Variants in UBE3A observed in about 807,000 individuals in gnomAD.
UBE3A encodes ubiquitin-protein ligase E3A.
A neutral mutation model predicts 83.4 loss-of-function variants in UBE3A; 6 were observed. The ratio of observed to expected loss-of-function variants is 0.07; its 90% CI spans 0.04 to 0.14. The LOEUF (loss-of-function observed/expected upper bound fraction) is 0.14. Ranked by LOEUF, UBE3A falls within the 10% of genes least tolerant of loss-of-function variation. The probability of loss-of-function intolerance (pLI) is 1.00; values close to 1 mark genes in which losing one functional copy is unlikely to be tolerated. For synonymous variants in UBE3A, 337 were observed against 355.4 expected (o/e 0.95, Z 0.58); for missense variants, 456 against 1,036.1 (o/e 0.44, Z 7.69).
chr15:25,404,554 T>A (rs890693860), intron 4 of UBE3A, among the ~76,000 whole-genome samples: 29 of 152,140 alleles, frequency 1.9e-4, no homozygotes, highest in Admixed American at 1.8e-3. Context: ...TCCAGAAAAA[T>A]TTATTTTGAA....
intron 12 of UBE3A, chr15:25,339,501 C>T (rs758072116): frequency 2.8e-6 from 1 of 362,386 alleles, no homozygotes; most frequent in Non-Finnish European, 5.0e-6. Context: ...ATAACAGATA[C>T]CATTTTAGGT....
At chr15:25,399,630 G>A (rs2086594736) in intron 4 of UBE3A, among the ~76,000 whole-genome samples, 1 of 151,992 alleles carries the variant, frequency 6.6e-6, no homozygotes, top group African/African-American at 2.4e-5. Context: ...GTGCAGTGAT[G>A]CAATCACAGT....
chr15:25,373,122 C>T (rs2080579090), intron 5 of UBE3A, among the ~76,000 whole-genome samples: 1 of 152,186 alleles, frequency 6.6e-6, no homozygotes, highest in Non-Finnish European at 1.5e-5. Flanking sequence ...TTTTGCTAAA[C>T]ATCAGTAACC....
chr15:25,356,938 T>C (rs761985921), intron 7 of UBE3A, 42 bp from the exon 8 acceptor site: 9 of 1,486,896 alleles, frequency 6.1e-6, no homozygotes, highest in Middle Eastern at 1.9e-4. Context: ...TTTTGTATTT[T>C]ATTAAGGACT....
At chr15:25,369,616 A>G (rs1009457783) in intron 6 of UBE3A, among the ~76,000 whole-genome samples, 3 of 152,118 alleles carry the variant, frequency 2.0e-5, no homozygotes, top group Non-Finnish European at 4.4e-5. Context: ...TTGACATTAA[A>G]TTTTACTTGA....
At position 25,371,213 on chromosome 15, in the gene UBE3A, G is replaced by A. The variant is rs1385870007; in HGVS notation, c.961C>T (p.Leu321=). The A allele has an allele frequency of 5.6e-6, 9 of 1,614,032 alleles. No individual in the cohort carries two copies. Among genetic ancestry groups the A allele is most frequent in the East Asian group, 2.2e-5 (1 of 44,894 alleles). Residue 321 remains leucine, a synonymous_variant, in exon 6 of 13, where the codon CTG becomes TTG. Transcript: ENST00000648336. This position sits in a 1 kb window ranked among gnomAD's most constrained non-coding sequence, Gnocchi z 5.3. ...SKLPLAAQGK[L]IRLWSKYNAD... ...TTGTATTTAGACCACAGTCTGATCA[G>A]TTTTCCTTGGGCTGCAAGGGGTAGC...
intron 4 of UBE3A, among the ~76,000 whole-genome samples, chr15:25,385,950 G>A (rs969163886): frequency 1.3e-5 from 2 of 152,120 alleles, no homozygotes; most frequent in Non-Finnish European, 2.9e-5. Flanking sequence ...ACCCTCAGCA[G>A]GGGAGGCAAA....
chr15:25,409,881 T>C lies in UBE3A; in HGVS notation c.-100-674A>G, dbSNP rs569330623. Among the ~76,000 whole-genome samples, 39 of 152,060 alleles carry C rather than the reference T, an allele frequency of 2.6e-4. 1 individual carries two copies. The highest frequency in any genetic ancestry group is 8.9e-4 in the African/African-American group (37 of 41,456). On this transcript the variant is annotated intron_variant, in intron 2 of 12. Transcript: ENST00000648336. ...AAAGTCTAGTCCCACTAATTCTGTA[T>C]GTACGTAAAGTCATTTAACATCAGT...
chr15:25,421,292 C>A (rs1329442212), intron 1 of UBE3A, among the ~76,000 whole-genome samples: 1 of 152,230 alleles, frequency 6.6e-6, no homozygotes, highest in Non-Finnish European at 1.5e-5. Flanking sequence ...ACCATGAGGG[C>A]TCCCCAGAAG....
At chr15:25,387,453 C>T (rs1265726238) in intron 4 of UBE3A, among the ~76,000 whole-genome samples, 3 of 151,786 alleles carry the variant, frequency 2.0e-5, no homozygotes, top group South Asian at 2.1e-4. Context: ...ACCCGGGAGG[C>T]GGAGCTTGCG....
chr15:25,353,392 T>C (rs571282676), intron 11 of UBE3A, among the ~76,000 whole-genome samples: 43 of 152,290 alleles, frequency 2.8e-4, no homozygotes, highest in African/African-American at 9.9e-4. Context: ...ACCACGTGTG[T>C]ATACCAAAAT....
At position 25,336,458 on chromosome 15, in the gene UBE3A, T is replaced by C. The variant is rs766521447; in HGVS notation, c.*2679A>G. 1.3e-5 allele frequency: 2 copies of C among 152,190 alleles called. No homozygotes were observed. Among genetic ancestry groups the C allele is most frequent in the African/African-American group, 2.4e-5 (1 of 41,460 alleles). The allele number at this position is 152,190 out of a possible 1,614,324, so 9.4% of individuals were successfully genotyped here. A position where few individuals can be genotyped will look rare whatever the true frequency, so the allele number is the denominator to read the frequency against. On this transcript the variant is annotated 3_prime_UTR_variant, in exon 13 of 13. Coordinates refer to ENST00000648336, the MANE Select transcript of UBE3A (RefSeq NM_130839.5). ...GGGAATAGGGAGTGATGCTGCCCCATTACAACCATCTGTTCTAACAGAATG... is the reference window on the plus strand; with the variant it reads ...GGGAATAGGGAGTGATGCTGCCCCACTACAACCATCTGTTCTAACAGAATG...
chr15:25,351,175 T>C (rs2076437114), intron 11 of UBE3A, among the ~76,000 whole-genome samples: 1 of 152,202 alleles, frequency 6.6e-6, no homozygotes, highest in Non-Finnish European at 1.5e-5. Context: ...CATTATCGTA[T>C]ATGATATGTA....
rs1045631829 is a variant in UBE3A at position 25,338,981 on chromosome 15, G to A, written c.*156C>T. 13 of 720,754 alleles carry A rather than the reference G, an allele frequency of 1.8e-5. No individual in the cohort carries two copies. Among genetic ancestry groups the A allele is most frequent in the Admixed American group, 7.3e-5 (2 of 27,558 alleles). The allele number at this position is 720,754 out of a possible 1,614,324, so 44.6% of individuals were successfully genotyped here. On this transcript the variant is annotated 3_prime_UTR_variant, in exon 13 of 13. Transcript: ENST00000648336. ...GTCCCCAATAAAGAAGGGAGGCACA[G>A]ACATAGGTGACTACTGTGGTTGACT... is the stretch of plus-strand genomic sequence containing the variant.
At chr15:25,345,010 C>T (rs12443207) in intron 11 of UBE3A, among the ~76,000 whole-genome samples, 11,083 of 152,086 alleles carry the variant, frequency 0.073, 814 homozygotes, top group East Asian at 0.42. Flanking sequence ...AAACAGCAAA[C>T]TGAATGAGAA....
intron 6 of UBE3A, among the ~76,000 whole-genome samples, chr15:25,366,959 AT>A (rs900881160): frequency 2.0e-5 from 3 of 151,190 alleles, no homozygotes; most frequent in African/African-American, 7.3e-5. Flanking sequence ...TTATTTATTT[AT>A]TTTTTTTAAA....
chr15:25,380,453 G>A (rs1054116931), intron 4 of UBE3A, among the ~76,000 whole-genome samples: 7 of 152,018 alleles, frequency 4.6e-5, no homozygotes, highest in African/African-American at 1.2e-4. Context: ...GCCCTCCAGT[G>A]ACCCTGCCAT....
chr15:25,406,931 C>T (rs532319560), intron 3 of UBE3A: 3 of 308,770 alleles, frequency 9.7e-6, no homozygotes, highest in East Asian at 3.1e-4. Context: ...TTTAAATTTT[C>T]AATTTTGCAC....
intron 4 of UBE3A, among the ~76,000 whole-genome samples, chr15:25,392,594 G>C (rs1189497371): frequency 6.6e-6 from 1 of 152,122 alleles, no homozygotes. Flanking sequence ...CAATATCACA[G>C]AGATGACTAC....
Sources: allele counts gnomAD v4.1 joint callset (sites outside exome capture counted in the v4.1 genomes callset), GRCh38; gene constraint gnomAD v4.1.1; non-coding constraint Gnocchi (gnomAD v3.1); transcripts MANE v1.5; gene names NCBI Gene and HGNC (gene_info 2026-07-23, HGNC 2026-07-21).